Variants in AGFG1 observed in about 807,000 individuals in gnomAD.
AGFG1 encodes the protein arf-GAP domain and FG repeat-containing protein 1.
Under a neutral mutation model 60.6 loss-of-function variants are expected in AGFG1, and 10 were observed. That is an observed-to-expected ratio of 0.16 (90% CI 0.10 to 0.28). The LOEUF (loss-of-function observed/expected upper bound fraction) is 0.28. Among genes scored for constraint, AGFG1 ranks in the 10% least tolerant of loss-of-function variants. The pLI, the probability that AGFG1 is intolerant of heterozygous loss-of-function variation, is 1.00. For missense variants in AGFG1, 537 were observed against 676.5 expected, an observed-to-expected ratio of 0.79 and a Z score of 2.29; for synonymous variants, 247 against 242.9, an observed-to-expected ratio of 1.02 and a Z score of -0.16.
intron 2 of AGFG1, among the ~76,000 whole-genome samples, chr2:227,514,920 GTATTTATT>G (rs796130938): frequency 5.9e-5 from 9 of 152,074 alleles, no homozygotes; most frequent in African/African-American, 2.2e-4. Flanking sequence ...CCCTCATTCA[GTATTTATT>G]TATTTATTTA....
chr2:227,531,495 A>G (rs76410538), intron 6 of AGFG1, among the ~76,000 whole-genome samples: 7,703 of 148,252 alleles, frequency 0.052, 258 homozygotes, highest in African/African-American at 0.1. Context: ...GAGGCATGAC[A>G]CTACTATAAG....
At chr2:227,516,928 C>A (rs1269182083) in intron 2 of AGFG1, among the ~76,000 whole-genome samples, 1 of 152,090 alleles carries the variant, frequency 6.6e-6, no homozygotes, top group Non-Finnish European at 1.5e-5. Context: ...TGAAAAACTT[C>A]CAGGCCTCCC....
intron 2 of AGFG1, among the ~76,000 whole-genome samples, chr2:227,517,545 C>T (rs1691689685): frequency 6.6e-6 from 1 of 152,198 alleles, no homozygotes; most frequent in African/African-American, 2.4e-5. Flanking sequence ...GCTGGGATTA[C>T]AGGCGTGAGC....
rs1464324556 is a variant in AGFG1, at chr2:227,485,276, G to A, written c.168-6271G>A. ...TTTTTTTTTTTTGAGACAGAGTCTCGCTCAGGCTAGAGTGCAATGGCGTGA... is the reference window on the plus strand; with the variant it reads ...TTTTTTTTTTTTGAGACAGAGTCTCACTCAGGCTAGAGTGCAATGGCGTGA... On this transcript the variant is annotated intron_variant, in intron 1 of 12. Transcript: ENST00000310078. Among the ~76,000 whole-genome samples, 7 of 134,780 alleles carry A rather than the reference G, an allele frequency of 5.2e-5. No individual in the cohort carries two copies. The East Asian group carries it at 1.2e-3, about 22-fold the overall frequency. 88.4% of individuals were successfully genotyped at this position (134,780 alleles called of 152,430 possible). A position where few individuals can be genotyped will look rare whatever the true frequency, so the allele number is the denominator to read the frequency against.
At chr2:227,484,794 C>G (rs1690578027) in intron 1 of AGFG1, among the ~76,000 whole-genome samples, 1 of 147,284 alleles carries the variant, frequency 6.8e-6, no homozygotes, top group Non-Finnish European at 1.5e-5. Context: ...ACCTCTGCCT[C>G]CTGGGTTCAA....
intron 1 of AGFG1, among the ~76,000 whole-genome samples, chr2:227,476,060 C>T (rs1223575101): frequency 6.6e-6 from 1 of 151,960 alleles, no homozygotes; most frequent in Non-Finnish European, 1.5e-5. Flanking sequence ...GCTAATCTTT[C>T]TTGTTTCTTT....
rs1350851879 is a variant in AGFG1, at chr2:227,472,306, G to A, written c.-116G>A. 3 of 640,534 alleles carry A rather than the reference G, an allele frequency of 4.7e-6. No homozygotes were observed. The African/African-American group carries it at 6.0e-5, about 13-fold the overall frequency. 39.7% of individuals were successfully genotyped at this position (640,534 alleles called of 1,614,324 possible). A position where few individuals can be genotyped will look rare whatever the true frequency, so the allele number is the denominator to read the frequency against. ...GCTGCGGCCGGGTCCGGCGCGGGCG[G>A]CGCGCGCAGACGGAGGGCGGCGGCC... On this transcript the variant is annotated 5_prime_UTR_variant, in exon 1 of 13. Coordinates refer to ENST00000310078, the MANE Select transcript of AGFG1 (RefSeq NM_004504.5).
At chr2:227,499,293 T>G (rs886639804) in intron 2 of AGFG1, among the ~76,000 whole-genome samples, 1 of 152,088 alleles carries the variant, frequency 6.6e-6, no homozygotes, top group African/African-American at 2.4e-5. Context: ...CCAGGTAATA[T>G]CCACACATCG....
chr2:227,506,201 T>C (rs1439764719), intron 2 of AGFG1, among the ~76,000 whole-genome samples: 1 of 152,214 alleles, frequency 6.6e-6, no homozygotes, highest in Non-Finnish European at 1.5e-5. Flanking sequence ...CTGGATTCTG[T>C]TTTGTTCCTT....
intron 1 of AGFG1, among the ~76,000 whole-genome samples, chr2:227,475,473 A>G (rs1690254155): frequency 6.6e-6 from 1 of 152,246 alleles, no homozygotes; most frequent in African/African-American, 2.4e-5. Flanking sequence ...TGTCTACTGC[A>G]GAACGTTGGA....
At chr2:227,478,918 T>C (rs1440506566) in intron 1 of AGFG1, among the ~76,000 whole-genome samples, 1 of 152,240 alleles carries the variant, frequency 6.6e-6, no homozygotes, top group Non-Finnish European at 1.5e-5. Context: ...TTAGTTTACA[T>C]GGAAATAATT....
At position 227,534,719 on chromosome 2, in the gene AGFG1, A is replaced by G. The variant is rs1230384471; in HGVS notation, c.1025-126A>G. 4.2e-6 allele frequency: 4 copies of G among 950,554 alleles called. No individual in the cohort carries two copies. In the African/African-American group the frequency reaches 5.0e-5, roughly 12 times the overall value. The allele number at this position is 950,554 out of a possible 1,614,324, so 58.9% of individuals were successfully genotyped here. A position where few individuals can be genotyped will look rare whatever the true frequency, so the allele number is the denominator to read the frequency against. Reference sequence around the variant, plus strand: ...ATGGTCCAGGTTATTTATTAGATTAATGATTTGGAATCCTGCTTAACTCTA... The same window carrying G: ...ATGGTCCAGGTTATTTATTAGATTAGTGATTTGGAATCCTGCTTAACTCTA... On this transcript the variant is annotated intron_variant, in intron 7 of 12. Coordinates refer to ENST00000310078, the MANE Select transcript of AGFG1 (RefSeq NM_004504.5).
intron 5 of AGFG1, among the ~76,000 whole-genome samples, chr2:227,527,154 C>A (rs1692018876): frequency 6.6e-6 from 1 of 152,126 alleles, no homozygotes; most frequent in Non-Finnish European, 1.5e-5. Flanking sequence ...TTGGGACAAC[C>A]TGGGTTCAGA....
At chr2:227,520,176 GT>G (rs1160602243) in intron 3 of AGFG1, 113 bp downstream of exon 3, 4 of 607,802 alleles carry the variant, frequency 6.6e-6, no homozygotes, top group Non-Finnish European at 1.1e-5. Context: ...AACTAGATAG[GT>G]ATATAATTCA....
intron 1 of AGFG1, among the ~76,000 whole-genome samples, chr2:227,473,926 T>G (rs956205108): frequency 6.6e-6 from 1 of 152,216 alleles, no homozygotes; most frequent in Non-Finnish European, 1.5e-5. Context: ...TAGCAAAGTC[T>G]TGTTCTCTTG....
chr2:227,547,423 G>T (rs1559200397), intron 10 of AGFG1, among the ~76,000 whole-genome samples: 1 of 152,142 alleles, frequency 6.6e-6, no homozygotes, highest in Non-Finnish European at 1.5e-5. Flanking sequence ...AAAGGAGCCA[G>T]AAATGAAAAT....
intron 2 of AGFG1, among the ~76,000 whole-genome samples, chr2:227,500,754 A>G (rs1472945960): frequency 2.0e-5 from 3 of 152,102 alleles, no homozygotes; most frequent in South Asian, 2.1e-4. Flanking sequence ...AAACTGCAAT[A>G]TATCTATCTT....
At chr2:227,492,506 ATC>A (rs1690849477) in intron 2 of AGFG1, among the ~76,000 whole-genome samples, 1 of 152,006 alleles carries the variant, frequency 6.6e-6, no homozygotes. Context: ...ATTAGTTTTA[ATC>A]TTCTCCTTGG....
At chr2:227,540,315 G>T (rs1181867704) in intron 10 of AGFG1, among the ~76,000 whole-genome samples, 2 of 151,566 alleles carry the variant, frequency 1.3e-5, no homozygotes, top group Non-Finnish European at 2.9e-5. Flanking sequence ...TTTACATTAG[G>T]TATGTCTCCT....
Sources: gnomAD v4.1 joint callset for allele counts (sites outside exome capture counted in the v4.1 genomes callset) on GRCh38, gnomAD v4.1.1 for gene constraint, MANE v1.5 for transcripts, NCBI Gene and HGNC (gene_info 2026-07-23, HGNC 2026-07-21) for gene names.